The following PPM1F variants were observed in gnomAD, a reference collection of about 807,000 sequenced individuals.
The protein encoded by PPM1F is protein phosphatase 1F.
A neutral mutation model predicts 35.5 loss-of-function variants in PPM1F; 17 were observed. The ratio of observed to expected loss-of-function variants is 0.48; its 90% confidence interval spans 0.33 to 0.72. The LOEUF (loss-of-function observed/expected upper bound fraction) is 0.72, where lower values mean the gene tolerates loss of function less well. Ranked by LOEUF, PPM1F falls within the 30% of genes least tolerant of loss-of-function variation. PPM1F has a pLI of 0.02. For missense variants in PPM1F, 521 were observed against 613.0 expected (o/e 0.85, Z 1.59); for synonymous variants, 241 against 255.5 (o/e 0.94, Z 0.54).
chr22:21,929,610 C>T (rs2070564035), intron 6 of PPM1F, among the ~76,000 whole-genome samples: 2 of 152,206 alleles, frequency 1.3e-5, no homozygotes, highest in South Asian at 4.1e-4. Flanking sequence ...CTGACTTGGC[C>T]ACATTTCATC....
At chr22:21,927,500 G>A (rs2070530509) in intron 6 of PPM1F, among the ~76,000 whole-genome samples, 1 of 152,228 alleles carries the variant, frequency 6.6e-6, no homozygotes, top group Non-Finnish European at 1.5e-5. Context: ...CCCAGAGGCA[G>A]GAATGTGGGC....
At position 21,939,656 on chromosome 22, in the gene PPM1F, A is replaced by G. The variant is rs1336275119; in HGVS notation, c.231T>C (p.Ala77=). 3 of 1,554,180 alleles carry G rather than the reference A, an allele frequency of 1.9e-6. No homozygotes were observed. Among genetic ancestry groups the G allele is most frequent in the Admixed American group, 3.9e-5 (2 of 51,170 alleles). The part of the protein sequence containing the change: ...GSRKAPPPLA[A]ALAHEAVSQL... The stretch of plus-strand genomic sequence containing the variant: ...GTGAAACTGCTTCGTGGGCCAGAGC[A>G]GCAGCAAGTGGTGGCGGGGCCTTCC... The change falls in exon 3 of 8, where the codon GCT becomes GCC. Residue 77 remains alanine, a synonymous_variant. Transcript: ENST00000263212. The surrounding 1 kb of genome is among the most constrained non-coding windows in gnomAD (Gnocchi z 5.1).
chr22:21,923,963 C>T (rs936198700), intron 7 of PPM1F, among the ~76,000 whole-genome samples: 13 of 151,800 alleles, frequency 8.6e-5, no homozygotes, highest in African/African-American at 3.1e-4. Flanking sequence ...GCTGGGATTA[C>T]AGGCATGAGC....
chr22:21,922,173 C>T lies in PPM1F; in HGVS notation c.*919G>A, dbSNP rs1290139742. The T allele has an allele frequency of 1.3e-5, 2 of 152,554 alleles. No individual in the cohort carries two copies. The highest frequency in any genetic ancestry group is 1.3e-4 in the Admixed American group (2 of 15,264). The allele number at this position is 152,554 out of a possible 1,614,324, so 9.5% of individuals were successfully genotyped here. A position where few individuals can be genotyped will look rare whatever the true frequency, so the allele number is the denominator to read the frequency against. ...GCACTTGAATGGCTTATTAACACCA[C>T]CTGGAAAAGTTCCTGTTTCAATCCT... On this transcript the variant is annotated 3_prime_UTR_variant, in exon 8 of 8. Coordinates refer to ENST00000263212, the MANE Select transcript of PPM1F (RefSeq NM_014634.4).
intron 3 of PPM1F, chr22:21,934,449 CAACTCTA>C (rs2070635020): frequency 1.8e-6 from 1 of 544,546 alleles, no homozygotes; most frequent in Non-Finnish European, 3.2e-6. Flanking sequence ...CACCATGGAG[CAACTCTA>C]CTCATGGGAA....
chr22:21,937,985 G>T, intron 3 of PPM1F: 2 of 854,244 alleles, frequency 2.3e-6, no homozygotes, highest in Non-Finnish European at 3.1e-6. Flanking sequence ...AATTTTGTAA[G>T]AATGGCTTGG....
At chr22:21,934,362 A>G (rs1240377245) in intron 3 of PPM1F, 136 bp from the exon 4 acceptor site, 3 of 671,446 alleles carry the variant, frequency 4.5e-6, no homozygotes, top group African/African-American at 1.8e-5. Flanking sequence ...CATCAACTCA[A>G]TAACGCGCAC....
rs1283400971 is a variant in PPM1F at position 21,919,789 on chromosome 22, G to C, written c.*3303C>G. The C allele has an allele frequency of 1.3e-5, 2 of 152,304 alleles. No homozygotes were observed. Among genetic ancestry groups the C allele is most frequent in the South Asian group, 2.1e-4 (1 of 4,836 alleles). The allele number at this position is 152,304 out of a possible 1,614,324, so 9.4% of individuals were successfully genotyped here. On this transcript the variant is annotated 3_prime_UTR_variant, in exon 8 of 8. Transcript: ENST00000263212. ...AACTGGCTTACATTTAGCTTGGGAC[G>C]AGGCTAGGCCTAAGAAGGGCCAGAG...
Position 21,937,926 on chromosome 22 carries a change from T to A in PPM1F, c.355+1606A>T, listed in dbSNP as rs917808624. On this transcript the variant is annotated intron_variant, in intron 3 of 7. Coordinates refer to ENST00000263212, the MANE Select transcript of PPM1F (RefSeq NM_014634.4). ...GCAGCCACACAGAGGTTTCAGCCACTCGCTGCTCTTCAGTGGCAATTCTTA... is the reference window on the plus strand; with the variant it reads ...GCAGCCACACAGAGGTTTCAGCCACACGCTGCTCTTCAGTGGCAATTCTTA... 3 of 409,266 alleles carry A rather than the reference T, an allele frequency of 7.3e-6. No homozygotes were observed. The East Asian group carries it at 3.4e-4, about 46-fold the overall frequency. 25.4% of individuals were successfully genotyped at this position (409,266 alleles called of 1,614,324 possible). A position where few individuals can be genotyped will look rare whatever the true frequency, so the allele number is the denominator to read the frequency against.
rs1160733025 is a variant in PPM1F, at chr22:21,946,068, C to T, written c.-20G>A. On this transcript the variant is annotated 5_prime_UTR_variant, in exon 2 of 8. Coordinates refer to ENST00000263212, the MANE Select transcript of PPM1F (RefSeq NM_014634.4). Reference sequence around the variant, plus strand: ...GGACATGCCCAAAGCATCCCGGGGGCCTGCAGCTAGGCCAGGGCAAGAGGG... The same window carrying T: ...GGACATGCCCAAAGCATCCCGGGGGTCTGCAGCTAGGCCAGGGCAAGAGGG... 4.0e-6 allele frequency: 6 copies of T among 1,496,854 alleles called. No individual in the cohort carries two copies. The highest frequency in any genetic ancestry group is 1.4e-5 in the South Asian group (1 of 73,772). The allele number at this position is 1,496,854 out of a possible 1,614,324, so 92.7% of individuals were successfully genotyped here.
chr22:21,945,848 G>A lies in PPM1F; in HGVS notation c.201C>T (p.Gly67=), dbSNP rs780459602. The A allele has an allele frequency of 3.7e-6, 6 of 1,609,136 alleles. No individual in the cohort carries two copies. The highest frequency in any genetic ancestry group is 5.1e-6 in the Non-Finnish European group (6 of 1,179,802). ...ELAELAMGFL[G]SRKAPPPLAA... ...TTGGGGGTGCACAGGCCTACCTGCT[G>A]CCCAGAAAGCCCATGGCCAGCTCAG... Residue 67 remains glycine (G), a synonymous_variant, in exon 2 of 8, where the codon GGC becomes GGT. Coordinates refer to ENST00000263212, the MANE Select transcript of PPM1F (RefSeq NM_014634.4).
At chr22:21,933,672 A>T in intron 4 of PPM1F, 93 bp from the exon 5 acceptor site, 1 of 1,211,734 alleles carries the variant, frequency 8.3e-7, no homozygotes, top group Non-Finnish European at 1.2e-6. Flanking sequence ...AGAGTCTGGG[A>T]GAATCAGTAT....
At position 21,921,563 on chromosome 22, in the gene PPM1F, T is replaced by C. The variant is rs1021989436; in HGVS notation, c.*1529A>G. On this transcript the variant is annotated 3_prime_UTR_variant, in exon 8 of 8. Coordinates refer to ENST00000263212, the MANE Select transcript of PPM1F (RefSeq NM_014634.4). ...GTCACTTGTGAGCCCCCTCTCAGGG[T>C]GCACTAGGGGACGTGGAGCTCTCAT... 3.7e-4 allele frequency: 56 copies of C among 152,170 alleles called. No homozygotes were observed. Among genetic ancestry groups the C allele is most frequent in the African/African-American group, 1.4e-3 (56 of 41,404 alleles). The allele number at this position is 152,170 out of a possible 1,614,324, so 9.4% of individuals were successfully genotyped here.
chr22:21,933,187 C>G (rs544629294), intron 5 of PPM1F, among the ~76,000 whole-genome samples: 1 of 152,228 alleles, frequency 6.6e-6, no homozygotes, highest in Non-Finnish European at 1.5e-5. Flanking sequence ...GGCTGAGAGG[C>G]CCACCATGCT....
rs1421584891 is a variant in PPM1F, at chr22:21,922,667, G to A, written c.*425C>T. 6.1e-6 allele frequency: 1 copy of A among 162,748 alleles called. No homozygotes were observed. The highest frequency in any genetic ancestry group is 1.3e-5 in the Non-Finnish European group (1 of 75,414). The allele number at this position is 162,748 out of a possible 1,614,324, so 10.1% of individuals were successfully genotyped here. On this transcript the variant is annotated 3_prime_UTR_variant, in exon 8 of 8. Coordinates refer to ENST00000263212, the MANE Select transcript of PPM1F (RefSeq NM_014634.4). ...AGAGGAGCAATGGGAAACTGGGGCT[G>A]GCCACTCCGCTGCTGGGCCTGACCC...
At chr22:21,925,968 C>T (rs746600035) in intron 6 of PPM1F, 5 of 330,982 alleles carry the variant, frequency 1.5e-5, no homozygotes, top group East Asian at 1.4e-4. Flanking sequence ...ACGAGGCTTG[C>T]GAGCCCGACA....
At chr22:21,926,425 C>T (rs944774658) in intron 6 of PPM1F, among the ~76,000 whole-genome samples, 4 of 152,078 alleles carry the variant, frequency 2.6e-5, no homozygotes, top group South Asian at 2.1e-4. Flanking sequence ...AGCCACCGCG[C>T]CTGGCCTAGT....
Position 21,938,155 on chromosome 22 carries a change from C to T in PPM1F, c.355+1377G>A, listed in dbSNP as rs567409432. Reference sequence around the variant, plus strand: ...CCCTCCTTCCCAGGCCTGCAGGAGCCCCGAGCGTAGGACTGGGCTGGTGCC... The same window carrying T: ...CCCTCCTTCCCAGGCCTGCAGGAGCTCCGAGCGTAGGACTGGGCTGGTGCC... On this transcript the variant is annotated intron_variant, in intron 3 of 7. Coordinates refer to ENST00000263212, the MANE Select transcript of PPM1F (RefSeq NM_014634.4). 4.8e-5 allele frequency: 62 copies of T among 1,303,124 alleles called. No homozygotes were observed. The South Asian group carries it at 7.3e-4, about 15-fold the overall frequency. The allele number at this position is 1,303,124 out of a possible 1,614,324, so 80.7% of individuals were successfully genotyped here. A position where few individuals can be genotyped will look rare whatever the true frequency, so the allele number is the denominator to read the frequency against.
Position 21,933,598 on chromosome 22 carries a change from G to C in PPM1F, c.559-19C>G, listed in dbSNP as rs2070620908. 3 of 1,597,664 alleles carry C rather than the reference G, an allele frequency of 1.9e-6. No homozygotes were observed. The East Asian group carries it at 6.8e-5, about 36-fold the overall frequency. ...CAGGGTCCTGGTGGGGATGTGGTGG[G>C]AGTCACAGACCCGCGGGACCCAGGG... is the stretch of plus-strand genomic sequence containing the variant. On this transcript the variant is annotated intron_variant, in intron 4 of 7. Coordinates refer to ENST00000263212, the MANE Select transcript of PPM1F (RefSeq NM_014634.4).
Sources: allele counts gnomAD v4.1 joint callset (sites outside exome capture counted in the v4.1 genomes callset), GRCh38; gene constraint gnomAD v4.1.1; non-coding constraint Gnocchi (gnomAD v3.1); transcripts MANE v1.5; gene names NCBI Gene and HGNC (gene_info 2026-07-23, HGNC 2026-07-21).